The following FHIT variants were observed in gnomAD, a reference collection of about 807,000 sequenced individuals.
FHIT encodes fragile histidine triad diadenosine triphosphatase.
A neutral mutation model predicts 17.9 loss-of-function variants in FHIT; 19 were observed. The observed-to-expected ratio is 1.06, with a 90% confidence interval of 0.74 to 1.56. FHIT has a LOEUF of 1.56. Among genes scored for constraint, FHIT ranks in the 40% most tolerant of loss-of-function variants. FHIT has a pLI of 0.00. For missense variants in FHIT, 248 were observed against 189.2 expected, an observed-to-expected ratio of 1.31 and a Z score of -1.82; for synonymous variants, 81 against 69.7, an observed-to-expected ratio of 1.16 and a Z score of -0.81.
chr3:59,833,802 CA>C lies in FHIT; in HGVS notation c.349-81482del, dbSNP rs1442171820. 5.9e-5 allele frequency among the ~76,000 whole-genome samples: 9 copies of C among 152,238 alleles called. No individual in the cohort carries two copies. The South Asian group carries it at 1.9e-3, about 32-fold the overall frequency. On this transcript the variant is annotated intron_variant, in intron 8 of 9. Transcript: ENST00000492590. Reference sequence around the variant, plus strand: ...GAGACCTGGTGGGAGGTGATTGGATCAGGGGGACAGTTTCCTCCATGCTGTT... The same window carrying C: ...GAGACCTGGTGGGAGGTGATTGGATCGGGGGACAGTTTCCTCCATGCTGTT...
chr3:59,839,569 C>T lies in FHIT; in HGVS notation c.348+82777G>A, dbSNP rs552282112. Among the ~76,000 whole-genome samples, 5 of 152,204 alleles carry T rather than the reference C, an allele frequency of 3.3e-5. No homozygotes were observed. In the South Asian group the frequency reaches 8.3e-4, roughly 25 times the overall value. On this transcript the variant is annotated intron_variant, in intron 8 of 9. Transcript: ENST00000492590. ...TCTGCCTTACTGCCCACCGGTTCCTCCAGAGATCACACTTTTATAAGGTTA... is the reference window on the plus strand; with the variant it reads ...TCTGCCTTACTGCCCACCGGTTCCTTCAGAGATCACACTTTTATAAGGTTA...
chr3:60,127,528 T>C (rs1705609611), intron 5 of FHIT, among the ~76,000 whole-genome samples: 1 of 152,350 alleles, frequency 6.6e-6, no homozygotes, highest in South Asian at 2.1e-4. Context: ...TCAACAAGTT[T>C]ACATACTAAG....
chr3:59,774,782 T>C lies in FHIT; in HGVS notation c.349-22461A>G, dbSNP rs9823066. 1.6e-3 allele frequency among the ~76,000 whole-genome samples: 250 copies of C among 152,322 alleles called. 1 individual carries two copies. The highest frequency in any genetic ancestry group is 5.8e-3 in the African/African-American group (240 of 41,580). ...TGAGATTCAATACATATTTGTTGCA[T>C]GAATCAAGTGCAGAGGAGGGAAGTA... On this transcript the variant is annotated intron_variant, in intron 8 of 9. Transcript: ENST00000492590.
intron 4 of FHIT, chr3:60,732,658 G>A (rs1009426820): frequency 9.7e-6 from 4 of 412,586 alleles, no homozygotes; most frequent in Middle Eastern, 8.8e-4. Flanking sequence ...GGGTGCTCCC[G>A]GCAGTGGCAG....
At chr3:60,560,802 GACACACACACACACACACACACACACAC>G (rs71092614) in intron 4 of FHIT, among the ~76,000 whole-genome samples, 1 of 128,846 alleles carries the variant, frequency 7.8e-6, no homozygotes, top group African/African-American at 3.0e-5. Context: ...GATGTAAGGA[GACACACACACACACACACACACACACAC>G]ACACACACAC....
At chr3:60,415,724 G>C (rs569838004) in intron 5 of FHIT, among the ~76,000 whole-genome samples, 3 of 75,894 alleles carry the variant, frequency 4.0e-5, no homozygotes, top group Non-Finnish European at 7.9e-5. Context: ...GAAGACAAAC[G>C]CCTGAGTTAA....
intron 5 of FHIT, 180 bp downstream of exon 5, chr3:60,536,680 A>T: frequency 1.8e-6 from 1 of 545,222 alleles, no homozygotes; most frequent in Non-Finnish European, 3.0e-6. Flanking sequence ...TGGTGCCACC[A>T]ACTGGATTCA....
chr3:59,861,223 G>GCA (rs1490923114), intron 8 of FHIT, among the ~76,000 whole-genome samples: 1 of 152,070 alleles, frequency 6.6e-6, no homozygotes, highest in Non-Finnish European at 1.5e-5. Flanking sequence ...CCATTCCATG[G>GCA]CAAACATGGA....
intron 8 of FHIT, among the ~76,000 whole-genome samples, chr3:59,797,586 A>G (rs1270230022): frequency 6.6e-6 from 1 of 152,226 alleles, no homozygotes; most frequent in African/African-American, 2.4e-5. Context: ...AGGAGGATGT[A>G]GTTCTGGGTT....
At chr3:60,276,958 C>A (rs775431803) in intron 5 of FHIT, among the ~76,000 whole-genome samples, 1 of 152,040 alleles carries the variant, frequency 6.6e-6, no homozygotes, top group Non-Finnish European at 1.5e-5. Flanking sequence ...CAAACACCTC[C>A]CACCAGGCCA....
chr3:60,785,949 T>A, intron 4 of FHIT, among the ~76,000 whole-genome samples: 1 of 135,236 alleles, frequency 7.4e-6, no homozygotes, highest in African/African-American at 3.1e-5. Flanking sequence ...AGAGTACTTT[T>A]CAAGATTAGT....
chr3:61,030,507 G>A (rs1391158552), intron 3 of FHIT, among the ~76,000 whole-genome samples: 1 of 152,168 alleles, frequency 6.6e-6, no homozygotes, highest in Non-Finnish European at 1.5e-5. Flanking sequence ...AGCACATGTG[G>A]CTAATGTCTG....
At chr3:61,147,155 T>C (rs1267883698) in intron 2 of FHIT, among the ~76,000 whole-genome samples, 1 of 152,020 alleles carries the variant, frequency 6.6e-6, no homozygotes, top group Non-Finnish European at 1.5e-5. Flanking sequence ...TTCCTGAAGG[T>C]TATTTAAGGG....
At position 60,387,211 on chromosome 3, in the gene FHIT, G is replaced by C. The variant is rs72876828; in HGVS notation, c.103+149649C>G. On this transcript the variant is annotated intron_variant, in intron 5 of 9. Coordinates refer to ENST00000492590, the MANE Select transcript of FHIT (RefSeq NM_002012.4). ...TCACAATGTCAGCTAGGCTGGTCTG[G>C]AACTCCCGACCTCAAGTGATCCACC... Among the ~76,000 whole-genome samples, 269 of 151,962 alleles carry C rather than the reference G, an allele frequency of 1.8e-3. 2 individuals carry two copies. Among genetic ancestry groups the C allele is most frequent in the African/African-American group, 5.9e-3 (245 of 41,440 alleles).
chr3:60,220,228 A>T (rs1703900903), intron 5 of FHIT, among the ~76,000 whole-genome samples: 3 of 152,164 alleles, frequency 2.0e-5, no homozygotes, highest in Admixed American at 2.0e-4. Flanking sequence ...TGGTTTTGGG[A>T]ACATTTTATG....
In FHIT at chr3:60,183,413, T is replaced by TAAAC. The variant is rs946051113; in HGVS notation, c.104-169265_104-169262dup. 2.6e-5 allele frequency among the ~76,000 whole-genome samples: 4 copies of TAAAC among 151,882 alleles called. No homozygotes were observed. The East Asian group carries it at 7.7e-4, about 29-fold the overall frequency. ...ACTCTGTCTCAAACAAAGAAACAAA[T>TAAAC]AAACAAACAAACAAAAAAATAAAAG... On this transcript the variant is annotated intron_variant, in intron 5 of 9. Transcript: ENST00000492590.
intron 2 of FHIT, among the ~76,000 whole-genome samples, chr3:61,047,856 A>AG (rs200190506): frequency 1.6e-4 from 21 of 133,232 alleles, no homozygotes; most frequent in African/African-American, 5.3e-4. Context: ...GACAAACATG[A>AG]AAAAACAAGC....
chr3:60,022,584 C>G (rs753163219), intron 5 of FHIT, among the ~76,000 whole-genome samples: 4 of 152,178 alleles, frequency 2.6e-5, no homozygotes, highest in African/African-American at 9.7e-5. Context: ...CTCTGAGCAT[C>G]GTGGTCACAG....
chr3:59,814,878 A>G (rs1277639454), intron 8 of FHIT, among the ~76,000 whole-genome samples: 1 of 152,160 alleles, frequency 6.6e-6, no homozygotes, highest in African/African-American at 2.4e-5. Flanking sequence ...CAGTGGGGGA[A>G]TAAATATGAA....
Sources: allele counts gnomAD v4.1 joint callset (sites outside exome capture counted in the v4.1 genomes callset), GRCh38; gene constraint gnomAD v4.1.1; transcripts MANE v1.5; gene names NCBI Gene and HGNC (gene_info 2026-07-23, HGNC 2026-07-21).